The following MMP16 variants were observed in gnomAD, a reference collection of about 807,000 sequenced individuals.
The protein encoded by MMP16 is matrix metallopeptidase 16.
In MMP16, 12 loss-of-function variants were observed where a neutral mutation model predicts 67.8. The observed-to-expected ratio is 0.18, with a 90% CI of 0.11 to 0.29. The LOEUF (loss-of-function observed/expected upper bound fraction) is 0.29. Among genes scored for constraint, MMP16 ranks in the 10% least tolerant of loss-of-function variants. The pLI is 1.00. For missense variants in MMP16, 475 were observed against 765.7 expected (o/e 0.62, Z 4.48); for synonymous variants, 249 against 255.9 (o/e 0.97, Z 0.26).
At chr8:88,291,175 G>C (rs1810920570) in intron 1 of MMP16, among the ~76,000 whole-genome samples, 1 of 152,038 alleles carries the variant, frequency 6.6e-6, no homozygotes, top group East Asian at 1.9e-4. Context: ...CAGCTACTCA[G>C]GAGGCTGAGG....
chr8:88,051,233 A>T (rs1458400059), intron 8 of MMP16, among the ~76,000 whole-genome samples: 1 of 152,152 alleles, frequency 6.6e-6, no homozygotes. Flanking sequence ...TGTCAACATG[A>T]ACAAAAAAAT....
intron 6 of MMP16, among the ~76,000 whole-genome samples, chr8:88,095,798 C>T (rs1809016490): frequency 1.3e-5 from 2 of 151,820 alleles, no homozygotes; most frequent in South Asian, 4.1e-4. Context: ...AAAGACTTCC[C>T]AAATCACTGA....
chr8:88,073,148 C>A (rs974809401), intron 7 of MMP16, among the ~76,000 whole-genome samples: 3 of 152,178 alleles, frequency 2.0e-5, no homozygotes, highest in Non-Finnish European at 1.5e-5. Flanking sequence ...GTTGCTACTA[C>A]TCATGGGACG....
At chr8:88,137,590 G>C (rs1262233909) in intron 4 of MMP16, among the ~76,000 whole-genome samples, 1 of 151,766 alleles carries the variant, frequency 6.6e-6, no homozygotes, top group Non-Finnish European at 1.5e-5. Flanking sequence ...ATGTGATTGG[G>C]GTTCAAACAC....
At chr8:88,310,473 A>C (rs764526575) in intron 1 of MMP16, among the ~76,000 whole-genome samples, 5 of 152,132 alleles carry the variant, frequency 3.3e-5, no homozygotes, top group Non-Finnish European at 5.9e-5. Context: ...ATGAGTTAAG[A>C]AAAAGGACAA....
At chr8:88,184,693 G>C (rs2129748855) in intron 3 of MMP16, among the ~76,000 whole-genome samples, 1 of 124,940 alleles carries the variant, frequency 8.0e-6, no homozygotes, top group East Asian at 2.6e-4. Flanking sequence ...TTTGTAGTGA[G>C]CCAAGATCGC....
At chr8:88,183,757 C>A (rs1424504946) in intron 3 of MMP16, among the ~76,000 whole-genome samples, 1 of 120,232 alleles carries the variant, frequency 8.3e-6, no homozygotes, top group African/African-American at 3.0e-5. Flanking sequence ...CTCTTGTCAT[C>A]CAGGCTGGAG....
chr8:88,316,968 TA>T (rs750907423), intron 1 of MMP16, among the ~76,000 whole-genome samples: 21 of 152,306 alleles, frequency 1.4e-4, no homozygotes, highest in South Asian at 2.1e-4. Context: ...AAGTGGAACC[TA>T]AAGATCTGAC....
At chr8:88,289,729 C>T (rs1357971209) in intron 1 of MMP16, among the ~76,000 whole-genome samples, 6 of 142,272 alleles carry the variant, frequency 4.2e-5, no homozygotes, top group Non-Finnish European at 9.2e-5. Context: ...CACACACACA[C>T]ACCCCACTCA....
intron 1 of MMP16, among the ~76,000 whole-genome samples, chr8:88,280,061 G>A (rs934972176): frequency 1.3e-5 from 2 of 152,086 alleles, no homozygotes; most frequent in Admixed American, 1.3e-4. Flanking sequence ...ATGACCAAGC[G>A]GAGTCTCCCT....
chr8:88,032,660 A>G lies in MMP16; in HGVS notation c.*8801T>C, dbSNP rs951639974. On this transcript the variant is annotated 3_prime_UTR_variant, in exon 10 of 10. Transcript: ENST00000286614. ...ACTTTAGCACCATTTATTTAGCCTT[A>G]TATTTGCACACAAACAAGCTTTGTG... 1 of 152,044 alleles carries G rather than the reference A, an allele frequency of 6.6e-6. No individual in the cohort carries two copies. The highest frequency in any genetic ancestry group is 1.9e-4 in the East Asian group (1 of 5,172). The allele number at this position is 152,044 out of a possible 1,614,324, so 9.4% of individuals were successfully genotyped here. A position where few individuals can be genotyped will look rare whatever the true frequency, so the allele number is the denominator to read the frequency against.
chr8:88,052,695 T>C (rs755620436), intron 8 of MMP16, among the ~76,000 whole-genome samples: 1 of 152,252 alleles, frequency 6.6e-6, no homozygotes, highest in Non-Finnish European at 1.5e-5. Context: ...TTAACCATTA[T>C]GCTCTAGCAA....
At chr8:88,237,062 T>C (rs1007090127) in intron 1 of MMP16, among the ~76,000 whole-genome samples, 3 of 152,184 alleles carry the variant, frequency 2.0e-5, no homozygotes, top group African/African-American at 7.2e-5. Context: ...TCAAAATCTT[T>C]CATAAAGTAA....
chr8:88,148,669 C>G (rs958229025), intron 4 of MMP16, among the ~76,000 whole-genome samples: 2 of 152,268 alleles, frequency 1.3e-5, no homozygotes, highest in East Asian at 3.9e-4. Flanking sequence ...TGGAGATATC[C>G]TTACTGAATG....
chr8:88,079,259 C>A (rs1808705335), intron 6 of MMP16, among the ~76,000 whole-genome samples: 1 of 152,068 alleles, frequency 6.6e-6, no homozygotes, highest in Non-Finnish European at 1.5e-5. Context: ...TGTGGTCAAC[C>A]CTAGTCCAAA....
chr8:88,241,711 T>G (rs1328627816), intron 1 of MMP16, among the ~76,000 whole-genome samples: 1 of 152,068 alleles, frequency 6.6e-6, no homozygotes, highest in East Asian at 1.9e-4. Flanking sequence ...TGAGAACTTT[T>G]TCCTTTTAAT....
chr8:88,193,006 A>T (rs923117700), intron 2 of MMP16, among the ~76,000 whole-genome samples: 4 of 152,112 alleles, frequency 2.6e-5, no homozygotes, highest in African/African-American at 4.8e-5. Context: ...AGGTTCCTCA[A>T]AAAACTAAAA....
intron 1 of MMP16, among the ~76,000 whole-genome samples, chr8:88,256,577 A>T (rs564431973): frequency 6.6e-6 from 1 of 152,218 alleles, no homozygotes; most frequent in East Asian, 1.9e-4. Context: ...GAAGAAAGAC[A>T]AACTACTGAA....
intron 1 of MMP16, among the ~76,000 whole-genome samples, chr8:88,266,767 G>A (rs889594177): frequency 6.6e-6 from 1 of 152,112 alleles, no homozygotes; most frequent in Non-Finnish European, 1.5e-5. Context: ...TTTAATGGGA[G>A]GCCCTAGAGC....
Sources: gnomAD v4.1 joint callset for allele counts (sites outside exome capture counted in the v4.1 genomes callset) on GRCh38, gnomAD v4.1.1 for gene constraint, MANE v1.5 for transcripts, NCBI Gene and HGNC (gene_info 2026-07-23, HGNC 2026-07-21) for gene names.